NAA50: variants seen among roughly 807,000 people sequenced by gnomAD.
NAA50 encodes N-alpha-acetyltransferase 50.
NAA50 carries 7 observed loss-of-function variants against 20.7 expected under a neutral mutation model. The ratio of observed to expected loss-of-function variants is 0.34; its 90% confidence interval spans 0.19 to 0.63. The LOEUF is 0.63. Ranked by LOEUF, NAA50 falls within the 30% of genes least tolerant of loss-of-function variation. The probability of loss-of-function intolerance (pLI) is 0.75; values close to 1 mark genes in which losing one functional copy is unlikely to be tolerated. For synonymous variants in NAA50, 54 were observed against 70.6 expected (o/e 0.77, Z 1.18); for missense variants, 111 against 199.1 (o/e 0.56, Z 2.66).
At position 113,741,181 on chromosome 3, in the gene NAA50, T is replaced by C. The variant is rs751894371; in HGVS notation, c.8+4761A>G. ...GCTTCAAAACATGAACATTACTACA[T>C]GTTGGAAAACAGTGAAACAAATCAG... On this transcript the variant is annotated intron_variant, in intron 1 of 4. Transcript: ENST00000240922. 2.1e-5 allele frequency: 11 copies of C among 515,264 alleles called. No individual in the cohort carries two copies. In the East Asian group the frequency reaches 3.0e-4, roughly 14 times the overall value. 31.9% of individuals were successfully genotyped at this position (515,264 alleles called of 1,614,324 possible). A position where few individuals can be genotyped will look rare whatever the true frequency, so the allele number is the denominator to read the frequency against.
rs1298732417 is a variant in NAA50 at position 113,745,986 on chromosome 3, T to A, written c.-37A>T. On this transcript the variant is annotated 5_prime_UTR_variant, in exon 1 of 5. Coordinates refer to ENST00000240922, the MANE Select transcript of NAA50 (RefSeq NM_025146.4). ...GCTGAGGCCGTCGTTACCACCGATA[T>A]CAACGCCGTCGTAGTCGCCGCCCTT... 6.2e-6 allele frequency: 10 copies of A among 1,605,764 alleles called. No individual in the cohort carries two copies. In the African/African-American group the frequency reaches 1.2e-4, roughly 19 times the overall value.
rs1421035429 is a variant in NAA50, at chr3:113,717,992, C to G, written c.*3768G>C. 6.6e-6 allele frequency: 1 copy of G among 152,328 alleles called. No homozygotes were observed. The highest frequency in any genetic ancestry group is 1.5e-5 in the Non-Finnish European group (1 of 68,178). The allele number at this position is 152,328 out of a possible 1,614,324, so 9.4% of individuals were successfully genotyped here. On this transcript the variant is annotated 3_prime_UTR_variant, in exon 5 of 5. Transcript: ENST00000240922. Reference sequence around the variant, plus strand: ...TTCACATCCTTGTGCAGTCCCCTCCCACACTATACCAAGCTGATTCAATGG... The same window carrying G: ...TTCACATCCTTGTGCAGTCCCCTCCGACACTATACCAAGCTGATTCAATGG...
intron 1 of NAA50, among the ~76,000 whole-genome samples, chr3:113,736,153 AT>A (rs1291212457): frequency 6.6e-6 from 1 of 152,226 alleles, no homozygotes; most frequent in Non-Finnish European, 1.5e-5. Context: ...CCTGTAGAAA[AT>A]TGAAGACAGT....
Position 113,730,249 on chromosome 3 carries a change from G to A in NAA50, c.9-6154C>T, listed in dbSNP as rs144754569. 1.9e-3 allele frequency among the ~76,000 whole-genome samples: 294 copies of A among 152,196 alleles called. 2 individuals are homozygous for A. Among genetic ancestry groups the A allele is most frequent in the African/African-American group, 6.5e-3 (268 of 41,534 alleles). ...CCAAGGGCAGAGGTTGCAGTGAGCCGAGATCGCCACCACTGCACTCCAGCC... is the reference window on the plus strand; with the variant it reads ...CCAAGGGCAGAGGTTGCAGTGAGCCAAGATCGCCACCACTGCACTCCAGCC... On this transcript the variant is annotated intron_variant, in intron 1 of 4. Transcript: ENST00000240922.
intron 1 of NAA50, among the ~76,000 whole-genome samples, chr3:113,727,626 C>T (rs1708215596): frequency 6.7e-6 from 1 of 150,284 alleles, no homozygotes; most frequent in Non-Finnish European, 1.5e-5. Flanking sequence ...TAAAAAAATA[C>T]ATGCCTTTTT....
intron 1 of NAA50, among the ~76,000 whole-genome samples, chr3:113,733,853 CAAAAAA>C (rs58431115): frequency 4.4e-5 from 3 of 68,504 alleles, no homozygotes; most frequent in African/African-American, 1.2e-4. Context: ...ACTCTGTCTC[CAAAAAA>C]AAAAAAAAAA....
intron 1 of NAA50, among the ~76,000 whole-genome samples, chr3:113,729,830 T>TTACA (rs1261220766): frequency 6.6e-6 from 1 of 151,964 alleles, no homozygotes; most frequent in Non-Finnish European, 1.5e-5. Context: ...AGTGCTGGGA[T>TTACA]TACAGGGATG....
chr3:113,746,178 C>T lies in NAA50; in HGVS notation c.-229G>A. 1 of 539,008 alleles carries T rather than the reference C, an allele frequency of 1.9e-6. No individual in the cohort carries two copies. The highest frequency in any genetic ancestry group is 3.2e-6 in the Non-Finnish European group (1 of 309,398). 33.4% of individuals were successfully genotyped at this position (539,008 alleles called of 1,614,324 possible). On this transcript the variant is annotated 5_prime_UTR_variant, in exon 1 of 5. It adds an upstream start codon to the 5' untranslated region. Coordinates refer to ENST00000240922, the MANE Select transcript of NAA50 (RefSeq NM_025146.4). The stretch of plus-strand genomic sequence containing the variant: ...GCGCTTGTGCCGCCGCTTCTCCACA[C>T]GTGCACTCGGGTCTCTCGGCTCCCT...
At position 113,745,930 on chromosome 3, in the gene NAA50, G is replaced by T; in HGVS notation, c.8+12C>A. 1.2e-6 allele frequency: 2 copies of T among 1,604,870 alleles called. 1 individual carries two copies. Among genetic ancestry groups the T allele is most frequent in the South Asian group, 2.2e-5 (2 of 90,634 alleles). ...CCCACCGGCCGGGCCCTGCCCGGCT[G>T]CCCTTCCTCACCCTTTCATCTTCCC... On this transcript the variant is annotated intron_variant, in intron 1 of 4. Coordinates refer to ENST00000240922, the MANE Select transcript of NAA50 (RefSeq NM_025146.4).
rs975518962 is a variant in NAA50 at position 113,717,258 on chromosome 3, TG to T, written c.*4501del. 1 of 152,246 alleles carries T rather than the reference TG, an allele frequency of 6.6e-6. No individual in the cohort carries two copies. Among genetic ancestry groups the T allele is most frequent in the African/African-American group, 2.4e-5 (1 of 41,438 alleles). 9.4% of individuals were successfully genotyped at this position (152,246 alleles called of 1,614,324 possible). A position where few individuals can be genotyped will look rare whatever the true frequency, so the allele number is the denominator to read the frequency against. Reference sequence around the variant, plus strand: ...AGGCTCAGGCAGAATTGCTTGAATCTGGGAGGCGGAGTTTGCAGTGAGCCAA... The same window carrying T: ...AGGCTCAGGCAGAATTGCTTGAATCTGGAGGCGGAGTTTGCAGTGAGCCAA... On this transcript the variant is annotated 3_prime_UTR_variant, in exon 5 of 5. Coordinates refer to ENST00000240922, the MANE Select transcript of NAA50 (RefSeq NM_025146.4).
chr3:113,732,429 T>C (rs1383270287), intron 1 of NAA50, among the ~76,000 whole-genome samples: 1 of 152,150 alleles, frequency 6.6e-6, no homozygotes, highest in African/African-American at 2.4e-5. Flanking sequence ...TCTTTAAAAA[T>C]TACCACAAAC....
At chr3:113,740,533 A>C (rs999773240) in intron 1 of NAA50, among the ~76,000 whole-genome samples, 89 of 152,138 alleles carry the variant, frequency 5.8e-4, no homozygotes, top group Non-Finnish European at 1.0e-3. Flanking sequence ...TACCCCAGCT[A>C]ATTATGATTA....
Position 113,723,506 on chromosome 3 carries a change from A to G in NAA50, c.181T>C (p.Cys61Arg). Residue 61 changes from cysteine to arginine, a missense_variant, in exon 3 of 5, where the codon TGT becomes CGT. Transcript: ENST00000240922. ...FNDIAVGAVC[C>R]RVDHSQNQKR... The stretch of plus-strand genomic sequence containing the variant: ...TGATTCTGTGAATGATCCACCCTAC[A>G]GCATACTGCACCTACAGCAATATCA... The G allele has an allele frequency of 6.2e-7, 1 of 1,612,732 alleles. No homozygotes were observed. Among genetic ancestry groups the G allele is most frequent in the South Asian group, 1.1e-5 (1 of 90,992 alleles).
chr3:113,738,821 T>A (rs546324558), intron 1 of NAA50, among the ~76,000 whole-genome samples: 2 of 152,244 alleles, frequency 1.3e-5, no homozygotes, highest in Admixed American at 1.3e-4. Context: ...GAAAAAGAAG[T>A]GTTTGAAGTG....
chr3:113,741,816 C>A (rs886737610), intron 1 of NAA50, among the ~76,000 whole-genome samples: 4 of 152,172 alleles, frequency 2.6e-5, no homozygotes, highest in Non-Finnish European at 5.9e-5. Flanking sequence ...CTAATGGCAA[C>A]ACAACATGAG....
In NAA50 at chr3:113,746,076, A is replaced by T. The variant is rs1261517016; in HGVS notation, c.-127T>A. On this transcript the variant is annotated 5_prime_UTR_variant, in exon 1 of 5. Transcript: ENST00000240922. ...AGCCGGCCTCCTAGCCTGGGCAGGGAGCTGTGCGAGCAACGAAGGCCGCGA... is the reference window on the plus strand; with the variant it reads ...AGCCGGCCTCCTAGCCTGGGCAGGGTGCTGTGCGAGCAACGAAGGCCGCGA... 2.4e-5 allele frequency: 31 copies of T among 1,297,484 alleles called. No homozygotes were observed. The highest frequency in any genetic ancestry group is 3.3e-5 in the Non-Finnish European group (31 of 947,462). 80.4% of individuals were successfully genotyped at this position (1,297,484 alleles called of 1,614,324 possible).
intron 1 of NAA50, among the ~76,000 whole-genome samples, chr3:113,736,843 G>C (rs1262269419): frequency 6.6e-6 from 1 of 152,160 alleles, no homozygotes; most frequent in Non-Finnish European, 1.5e-5. Flanking sequence ...GACTTTTTAA[G>C]TTATATAACA....
In NAA50 at chr3:113,720,302, GA is replaced by G. The variant is rs1199107299; in HGVS notation, c.*1457del. The G allele has an allele frequency of 6.6e-5, 10 of 152,450 alleles. No individual in the cohort carries two copies. In the East Asian group the frequency reaches 1.9e-3, roughly 29 times the overall value. The allele number at this position is 152,450 out of a possible 1,614,324, so 9.4% of individuals were successfully genotyped here. ...CAATTTTACATAAGAGGATAAATAT[GA>G]ATGAAACTTCCTTTTAAAGTCAAAT... On this transcript the variant is annotated 3_prime_UTR_variant, in exon 5 of 5. Coordinates refer to ENST00000240922, the MANE Select transcript of NAA50 (RefSeq NM_025146.4).
rs1708496712 is a variant in NAA50 at position 113,746,116 on chromosome 3, C to A, written c.-167G>T. Reference sequence around the variant, plus strand: ...GAAGGCCGCGAGAGTCGAGTGAGGGCTTGAGTCTGGTGGGGGCGGGAGTGT... The same window carrying A: ...GAAGGCCGCGAGAGTCGAGTGAGGGATTGAGTCTGGTGGGGGCGGGAGTGT... On this transcript the variant is annotated 5_prime_UTR_variant, in exon 1 of 5. Coordinates refer to ENST00000240922, the MANE Select transcript of NAA50 (RefSeq NM_025146.4). 4.8e-6 allele frequency: 4 copies of A among 833,062 alleles called. No homozygotes were observed. The highest frequency in any genetic ancestry group is 5.5e-5 in the Admixed American group (2 of 36,334). The allele number at this position is 833,062 out of a possible 1,614,324, so 51.6% of individuals were successfully genotyped here.
Sources: allele counts gnomAD v4.1 joint callset (sites outside exome capture counted in the v4.1 genomes callset), GRCh38; gene constraint gnomAD v4.1.1; transcripts MANE v1.5; gene names NCBI Gene and HGNC (gene_info 2026-07-23, HGNC 2026-07-21).